ADGRV1: variants seen among roughly 807,000 people sequenced by gnomAD.
ADGRV1 encodes adhesion G protein-coupled receptor V1.
A neutral mutation model predicts 596.2 loss-of-function variants in ADGRV1; 359 were observed. The observed-to-expected ratio is 0.60, with a 90% CI of 0.55 to 0.66. The LOEUF is 0.66. Among genes scored for constraint, ADGRV1 ranks in the 30% least tolerant of loss-of-function variants. ADGRV1 has a pLI of 0.00. For missense variants in ADGRV1, 7,274 were observed against 7,575.6 expected (o/e 0.96, Z 1.48); for synonymous variants, 2,681 against 2,679.2 (o/e 1.00, Z -0.02).
intron 87 of ADGRV1, among the ~76,000 whole-genome samples, chr5:91,140,835 T>A (rs1795037140): frequency 6.6e-6 from 1 of 152,244 alleles, no homozygotes; most frequent in Admixed American, 6.5e-5. Flanking sequence ...TGATTAGCGT[T>A]CCATGCTTTG....
At chr5:90,776,406 GCT>G in intron 60 of ADGRV1, 45 bp from the exon 61 acceptor site, 3 of 1,564,186 alleles carry the variant, frequency 1.9e-6, no homozygotes, top group Middle Eastern at 1.7e-4. Context: ...TATACTAAGT[GCT>G]TATGTGCACC....
Position 90,745,243 on chromosome 5 carries a change from A to G in ADGRV1, c.10747A>G (p.Ser3583Gly), listed in dbSNP as rs1243784881. ...TATATATGAGCTAGCCTACATTTCC[A>G]GCCATTCTGACTTTATTCCTAGGTA... ...SHIYELAYIS[S>G]HSDFIPSSGE... Residue 3583 changes from serine to glycine, a missense_variant, in exon 51 of 90, where the codon AGC (serine) becomes GGC (glycine). Ser to Gly is a moderately conservative substitution (Grantham distance 56). Coordinates refer to ENST00000405460, the MANE Select transcript of ADGRV1 (RefSeq NM_032119.4). 6.3e-7 allele frequency: 1 copy of G among 1,599,108 alleles called. No homozygotes were observed. Among genetic ancestry groups the G allele is most frequent in the South Asian group, 1.1e-5 (1 of 88,740 alleles).
chr5:90,823,279 C>A, intron 75 of ADGRV1, 146 bp from the exon 76 acceptor site: 1 of 769,892 alleles, frequency 1.3e-6, no homozygotes, highest in Non-Finnish European at 2.1e-6. Flanking sequence ...TCTGCATCAT[C>A]AGTGGTAAAG....
intron 85 of ADGRV1, among the ~76,000 whole-genome samples, chr5:91,068,298 A>C (rs1186114281): frequency 1.2e-4 from 18 of 151,866 alleles, no homozygotes; most frequent in South Asian, 2.1e-4. Context: ...CTACTTAAAA[A>C]AAAAAACAAA....
At chr5:91,017,064 G>T (rs928952499) in intron 85 of ADGRV1, among the ~76,000 whole-genome samples, 4 of 151,916 alleles carry the variant, frequency 2.6e-5, no homozygotes, top group Non-Finnish European at 5.9e-5. Flanking sequence ...CAGTCCACAA[G>T]AATTGACACA....
At chr5:91,054,946 A>G (rs1274648039) in intron 85 of ADGRV1, among the ~76,000 whole-genome samples, 2 of 152,232 alleles carry the variant, frequency 1.3e-5, no homozygotes, top group Admixed American at 6.5e-5. Flanking sequence ...TAAGTAATCT[A>G]CATCCCAACA....
chr5:90,759,546 A>T lies in ADGRV1; in HGVS notation c.12078A>T (p.Gln4026His), dbSNP rs1254271837. The change falls in exon 58 of 90, where the codon CAA becomes CAT. Residue 4026 changes from glutamine (Q) to histidine (H), a missense_variant. Gln to His is a conservative substitution (Grantham distance 24). Around this residue, in one of 5 missense-constraint regions of ADGRV1, gnomAD observed 3,643 missense variants for 3,809.2 expected, o/e 0.96. Transcript: ENST00000405460. ...TTGTGGTAACTGTTGTTATTCCACA[A>T]AATGATTCTCCATTTGGAGTATTTG... ...DDVVVTVVIP[Q>H]NDSPFGVFGF... 3 of 1,613,656 alleles carry T rather than the reference A, an allele frequency of 1.9e-6. No individual in the cohort carries two copies. Among genetic ancestry groups the T allele is most frequent in the Admixed American group, 1.7e-5 (1 of 60,016 alleles).
rs184116434 is a variant in ADGRV1 at position 90,690,817 on chromosome 5, A to G, written c.6727A>G (p.Ile2243Val). Reference sequence around the variant, plus strand: ...TTCAGGTTTTCAGATTACTAAACTTATTGTAGAGGAACCTGAGTTTAACTC... The same window carrying G: ...TTCAGGTTTTCAGATTACTAAACTTGTTGTAGAGGAACCTGAGTTTAACTC... ...GLFGFQITKL[I>V]VEEPEFNSVK... The change falls in exon 31 of 90, where the codon ATT (isoleucine) becomes GTT (valine). Residue 2243 changes from isoleucine (I) to valine (V), a missense_variant. Around this residue, in one of 5 missense-constraint regions of ADGRV1, gnomAD observed 3,643 missense variants for 3,809.2 expected, o/e 0.96. Transcript: ENST00000405460. 4.4e-6 allele frequency: 7 copies of G among 1,597,140 alleles called. No individual in the cohort carries two copies. In the South Asian group the frequency reaches 5.6e-5, roughly 13 times the overall value.
intron 70 of ADGRV1, among the ~76,000 whole-genome samples, chr5:90,801,264 G>A (rs1279518297): frequency 7.9e-5 from 12 of 152,060 alleles, no homozygotes; most frequent in Non-Finnish European, 1.2e-4. Context: ...TCTAACTCAT[G>A]TTCCATTTTA....
intron 78 of ADGRV1, among the ~76,000 whole-genome samples, chr5:90,844,354 A>G (rs575462205): frequency 1.0e-3 from 156 of 152,296 alleles, no homozygotes; most frequent in African/African-American, 3.2e-3. Flanking sequence ...TTTCTTTTAA[A>G]AGATCTCAAT....
chr5:90,857,408 T>A (rs1767125492), intron 82 of ADGRV1, among the ~76,000 whole-genome samples: 1 of 152,084 alleles, frequency 6.6e-6, no homozygotes. Context: ...AAAGGAGTTT[T>A]AAAAACTAAA....
intron 1 of ADGRV1, among the ~76,000 whole-genome samples, chr5:90,602,122 C>T (rs1246240142): frequency 6.6e-6 from 1 of 152,192 alleles, no homozygotes; most frequent in Non-Finnish European, 1.5e-5. Flanking sequence ...TTCTTTTAGA[C>T]TCCCGTATGT....
intron 75 of ADGRV1, among the ~76,000 whole-genome samples, chr5:90,817,465 G>A (rs1165489444): frequency 6.6e-6 from 1 of 151,412 alleles, no homozygotes; most frequent in African/African-American, 2.4e-5. Flanking sequence ...TGCTTTTGGT[G>A]TTTTGGACAT....
chr5:90,573,999 T>C (rs1046335150), intron 1 of ADGRV1, among the ~76,000 whole-genome samples: 16 of 152,206 alleles, frequency 1.1e-4, no homozygotes, highest in Admixed American at 9.2e-4. Flanking sequence ...TCTATTTTGT[T>C]CCATTGGTCT....
chr5:91,028,837 C>CAGGG (rs1784248463), intron 85 of ADGRV1, among the ~76,000 whole-genome samples: 1 of 146,440 alleles, frequency 6.8e-6, no homozygotes, highest in African/African-American at 2.5e-5. Context: ...CTCCTGAGGT[C>CAGGG]AGGGAGTCCT....
At chr5:90,636,380 A>G (rs888862945) in intron 10 of ADGRV1, among the ~76,000 whole-genome samples, 1 of 152,182 alleles carries the variant, frequency 6.6e-6, no homozygotes, top group African/African-American at 2.4e-5. Context: ...TCCATTGTAT[A>G]TTAGCTTCTA....
intron 83 of ADGRV1, among the ~76,000 whole-genome samples, chr5:90,909,616 C>T (rs748331998): frequency 9.2e-5 from 14 of 151,410 alleles, no homozygotes; most frequent in South Asian, 2.1e-4. Flanking sequence ...TGTGAGAATA[C>T]GCAAAAAGAA....
chr5:90,871,101 A>G (rs979749311), intron 83 of ADGRV1, among the ~76,000 whole-genome samples: 7 of 152,130 alleles, frequency 4.6e-5, no homozygotes, highest in African/African-American at 1.7e-4. Context: ...CTTGCAATCA[A>G]TCATGAAACA....
Position 90,596,256 on chromosome 5 carries a change from A to G in ADGRV1, c.23-18579A>G, listed in dbSNP as rs537736565. On this transcript the variant is annotated intron_variant, in intron 1 of 89. Coordinates refer to ENST00000405460, the MANE Select transcript of ADGRV1 (RefSeq NM_032119.4). ...TGGCGGCCGGGAAGAGGCGCTCCTC[A>G]CTTCCCAGATAGGATGGCCGCCGGG... is the stretch of plus-strand genomic sequence containing the variant. 3.6e-3 allele frequency among the ~76,000 whole-genome samples: 528 copies of G among 148,548 alleles called. 4 individuals carry two copies. The highest frequency in any genetic ancestry group is 4.9e-3 in the Non-Finnish European group (331 of 67,360).
Sources: allele counts gnomAD v4.1 joint callset (sites outside exome capture counted in the v4.1 genomes callset), GRCh38; gene constraint gnomAD v4.1.1; regional missense constraint gnomAD v4.1.1; transcripts MANE v1.5; gene names NCBI Gene and HGNC (gene_info 2026-07-23, HGNC 2026-07-21).